RPS6KA5: variants seen among roughly 807,000 people sequenced by gnomAD.
RPS6KA5 encodes ribosomal protein S6 kinase alpha-5.
Under a neutral mutation model 85.5 loss-of-function variants are expected in RPS6KA5, and 27 were observed. The observed-to-expected ratio is 0.32, with a 90% CI of 0.23 to 0.44. RPS6KA5 has a LOEUF of 0.44. RPS6KA5 is among the 20% of genes least tolerant of loss of function. RPS6KA5 has a pLI of 1.00. For missense variants in RPS6KA5, 811 were observed against 980.9 expected (o/e 0.83, Z 2.31); for synonymous variants, 334 against 348.2 (o/e 0.96, Z 0.46).
chr14:90,874,760 G>A (rs955861471), intron 15 of RPS6KA5, among the ~76,000 whole-genome samples: 1 of 152,174 alleles, frequency 6.6e-6, no homozygotes, highest in Non-Finnish European at 1.5e-5. Context: ...GGAAGGAAGG[G>A]ACCGGACTGC....
intron 5 of RPS6KA5, among the ~76,000 whole-genome samples, chr14:90,941,868 G>A (rs1445392307): frequency 1.3e-5 from 2 of 152,130 alleles, no homozygotes; most frequent in Non-Finnish European, 2.9e-5. Flanking sequence ...TATTAAGGAG[G>A]CAACGGTAAA....
chr14:90,926,664 AGTGTGTGTGTGT>A (rs59637202), intron 5 of RPS6KA5, among the ~76,000 whole-genome samples: 11 of 143,314 alleles, frequency 7.7e-5, no homozygotes, highest in Non-Finnish European at 1.5e-4. Context: ...TATATATTTA[AGTGTGTGTGTGT>A]GTGTGTGTGT....
intron 8 of RPS6KA5, 107 bp downstream of exon 8, chr14:90,906,042 T>G (rs1370932299): frequency 7.2e-6 from 8 of 1,110,534 alleles, no homozygotes; most frequent in African/African-American, 3.1e-5. Context: ...AAAATGCCAG[T>G]GGAAAATGAT....
At chr14:90,968,632 A>C (rs1256367767) in intron 3 of RPS6KA5, among the ~76,000 whole-genome samples, 1 of 152,172 alleles carries the variant, frequency 6.6e-6, no homozygotes, top group African/African-American at 2.4e-5. Flanking sequence ...TTCAGTCCTC[A>C]TATTACTTAA....
chr14:91,035,868 A>ACCC (rs2042382569), intron 1 of RPS6KA5, among the ~76,000 whole-genome samples: 1 of 120,606 alleles, frequency 8.3e-6, no homozygotes, highest in Non-Finnish European at 1.7e-5. Context: ...AAAAAAAAAA[A>ACCC]AAAAAAAAAA....
At chr14:91,001,649 A>G (rs546265067) in intron 1 of RPS6KA5, among the ~76,000 whole-genome samples, 2 of 152,280 alleles carry the variant, frequency 1.3e-5, no homozygotes, top group Non-Finnish European at 2.9e-5. Flanking sequence ...TCAATACTCT[A>G]TGTCTCCATT....
At chr14:90,936,794 T>C (rs2037283274) in intron 5 of RPS6KA5, among the ~76,000 whole-genome samples, 1 of 152,052 alleles carries the variant, frequency 6.6e-6, no homozygotes, top group Non-Finnish European at 1.5e-5. Context: ...AAAAAGTAAA[T>C]TCCTGAAGAT....
rs1566662313 is a variant in RPS6KA5, at chr14:90,862,458, T to TC, written c.*9615dup. The TC allele has an allele frequency of 0.11, 12,940 of 113,592 alleles. 734 individuals are homozygous for TC. The highest frequency in any genetic ancestry group is 0.24 in the East Asian group (1,031 of 4,368). 7.0% of individuals were successfully genotyped at this position (113,592 alleles called of 1,614,324 possible). A position where few individuals can be genotyped will look rare whatever the true frequency, so the allele number is the denominator to read the frequency against. On this transcript the variant is annotated 3_prime_UTR_variant, in exon 17 of 17. Transcript: ENST00000614987. ...TCCTCCTCCTCCTCCTCCTCCTCCT[T>TC]CTTCTTCTTCTTCTTCTTCTTTTTT...
intron 3 of RPS6KA5, among the ~76,000 whole-genome samples, chr14:90,973,142 T>C (rs1002448427): frequency 2.0e-5 from 3 of 152,132 alleles, no homozygotes; most frequent in Admixed American, 2.0e-4. Context: ...TTTGGCAAAA[T>C]TAGAGATGGC....
At chr14:90,969,450 A>G (rs1244611183) in intron 3 of RPS6KA5, among the ~76,000 whole-genome samples, 1 of 152,256 alleles carries the variant, frequency 6.6e-6, no homozygotes, top group Admixed American at 6.5e-5. Context: ...ACATTGGGTT[A>G]CATAAGCTTT....
At chr14:91,047,980 T>C (rs1252966991) in intron 1 of RPS6KA5, among the ~76,000 whole-genome samples, 5 of 152,216 alleles carry the variant, frequency 3.3e-5, no homozygotes, top group African/African-American at 1.2e-4. Context: ...TGTGATTTCA[T>C]TGAGCCCACA....
In RPS6KA5 at chr14:90,899,344, T is replaced by C. The variant is rs367954583; in HGVS notation, c.1458A>G (p.Glu486=). ...EGHPNIVKLH[E]VFHDQLHTFL... is the part of the protein sequence containing the mutation. The stretch of plus-strand genomic sequence containing the variant: ...AGTAGGATACCTGATCATGAAAAAC[T>C]TCATGCAACTTCACAATATTGGGGT... The change falls in exon 12 of 17, where the codon GAA becomes GAG. Residue 486 remains glutamate (E), a synonymous_variant. Transcript: ENST00000614987. 9.2e-5 allele frequency: 148 copies of C among 1,601,790 alleles called. 1 individual carries two copies. Among genetic ancestry groups the C allele is most frequent in the Non-Finnish European group, 1.2e-4 (141 of 1,172,286 alleles).
At chr14:91,044,339 C>CAAAG (rs377595815) in intron 1 of RPS6KA5, among the ~76,000 whole-genome samples, 963 of 76,900 alleles carry the variant, frequency 0.013, 17 homozygotes, top group African/African-American at 0.034. Context: ...GAAAGATAGA[C>CAAAG]AAAGAAAGAA....
At chr14:90,950,581 G>A (rs2038120467) in intron 3 of RPS6KA5, among the ~76,000 whole-genome samples, 2 of 152,162 alleles carry the variant, frequency 1.3e-5, no homozygotes, top group Non-Finnish European at 2.9e-5. Flanking sequence ...CTACTTTGTT[G>A]AGCGTTATTA....
chr14:90,969,983 C>G (rs2039247197), intron 3 of RPS6KA5, among the ~76,000 whole-genome samples: 1 of 152,080 alleles, frequency 6.6e-6, no homozygotes, highest in African/African-American at 2.4e-5. Flanking sequence ...TTTCTACCTA[C>G]TCTTTCTCCT....
intron 9 of RPS6KA5, 145 bp downstream of exon 9, chr14:90,902,663 G>T: frequency 1.6e-6 from 1 of 628,180 alleles, no homozygotes; most frequent in Non-Finnish European, 2.5e-6. Context: ...TTAACAATGT[G>T]CAATATTTCT....
intron 8 of RPS6KA5, among the ~76,000 whole-genome samples, chr14:90,905,815 G>A (rs1340249662): frequency 1.3e-5 from 2 of 152,126 alleles, no homozygotes; most frequent in Admixed American, 1.3e-4. Flanking sequence ...AAAAGTCTCA[G>A]TCCATATGGC....
At chr14:90,940,525 T>A (rs1277609565) in intron 5 of RPS6KA5, among the ~76,000 whole-genome samples, 1 of 152,192 alleles carries the variant, frequency 6.6e-6, no homozygotes, top group Non-Finnish European at 1.5e-5. Flanking sequence ...ATTTGTTTGT[T>A]TAGTTTTGAG....
intron 3 of RPS6KA5, among the ~76,000 whole-genome samples, chr14:90,968,100 G>C (rs1254409621): frequency 6.6e-6 from 1 of 152,156 alleles, no homozygotes; most frequent in South Asian, 2.1e-4. Context: ...GTGTCAGCAG[G>C]ACTGCGTTTC....
Sources: allele counts gnomAD v4.1 joint callset (sites outside exome capture counted in the v4.1 genomes callset), GRCh38; gene constraint gnomAD v4.1.1; transcripts MANE v1.5; gene names NCBI Gene and HGNC (gene_info 2026-07-23, HGNC 2026-07-21).